The following GSE1 variants were observed in gnomAD, a reference collection of about 807,000 sequenced individuals.
GSE1 encodes the protein Gse1 coiled-coil protein.
Under a neutral mutation model 112.6 loss-of-function variants are expected in GSE1, and 32 were observed. The ratio of observed to expected loss-of-function variants is 0.28; its 90% CI spans 0.21 to 0.38. GSE1 has a LOEUF of 0.38. Among genes scored for constraint, GSE1 ranks in the 10% least tolerant of loss-of-function variants. GSE1 has a pLI of 1.00. For missense variants in GSE1, 2,348 were observed against 1,699.2 expected (o/e 1.38, Z -6.71); for synonymous variants, 1,115 against 735.6 (o/e 1.52, Z -8.35).
At chr16:85,383,408 A>T (rs2047604921) in intron 2 of GSE1, among the ~76,000 whole-genome samples, 1 of 151,852 alleles carries the variant, frequency 6.6e-6, no homozygotes, top group African/African-American at 2.4e-5. Context: ...ATGCACACAC[A>T]CGCACACACA....
chr16:85,365,744 ACT>A (rs923669408), intron 2 of GSE1, among the ~76,000 whole-genome samples: 2 of 151,898 alleles, frequency 1.3e-5, no homozygotes, highest in East Asian at 1.9e-4. Flanking sequence ...CTTCATTTCC[ACT>A]CTCTCTCTTC....
At chr16:85,557,308 C>G (rs1053161558) in intron 1 of GSE1, among the ~76,000 whole-genome samples, 1 of 152,142 alleles carries the variant, frequency 6.6e-6, no homozygotes, top group African/African-American at 2.4e-5. Flanking sequence ...CTGCGTGTGA[C>G]TGCTGGTTCT....
At chr16:85,571,408 A>G (rs946066765) in intron 1 of GSE1, among the ~76,000 whole-genome samples, 2 of 152,256 alleles carry the variant, frequency 1.3e-5, no homozygotes, top group African/African-American at 4.8e-5. Context: ...TGAGCCCCCA[A>G]CAGCCACGTG....
rs919421097 is a variant in GSE1, at chr16:85,218,888, C to CT, written c.2283+47090dup. Among the ~76,000 whole-genome samples the CT allele has an allele frequency of 9.2e-4, 140 of 151,628 alleles. 1 individual carries two copies. Among genetic ancestry groups the CT allele is most frequent in the African/African-American group, 3.2e-3 (134 of 41,342 alleles). On this transcript the variant is annotated intron_variant, in intron 1 of 2. Transcript: ENST00000637419. ...ATTCTGACAGTCCATGCGGATTTTT[C>CT]TTTTTTTTTGAGACAGAGTCTGGCT... is the stretch of plus-strand genomic sequence containing the variant.
At chr16:85,294,675 C>A (rs559141544) in intron 1 of GSE1, among the ~76,000 whole-genome samples, 7 of 145,218 alleles carry the variant, frequency 4.8e-5, no homozygotes, top group Admixed American at 1.4e-4. Context: ...CTCTCTCCCC[C>A]CCCTTCCCTC....
At chr16:85,318,870 C>G (rs1329460568) in intron 1 of GSE1, among the ~76,000 whole-genome samples, 3 of 152,232 alleles carry the variant, frequency 2.0e-5, no homozygotes, top group Non-Finnish European at 4.4e-5. Context: ...GCTGTTGACT[C>G]AACCTGTGAG....
chr16:85,198,818 G>A (rs1309649507), intron 1 of GSE1, among the ~76,000 whole-genome samples: 8 of 152,128 alleles, frequency 5.3e-5, no homozygotes, highest in East Asian at 3.9e-4. Context: ...TCACTTAGTC[G>A]CCCAGGCTGG....
intron 1 of GSE1, among the ~76,000 whole-genome samples, chr16:85,603,393 G>A (rs958894076): frequency 1.3e-5 from 2 of 152,228 alleles, no homozygotes; most frequent in Non-Finnish European, 2.9e-5. Context: ...CGCACAGCCC[G>A]AAAGGGAGTT....
At chr16:85,668,099 CT>C in intron 13 of GSE1, 40 bp from the exon 14 acceptor site, 1 of 1,492,134 alleles carries the variant, frequency 6.7e-7, no homozygotes, top group Non-Finnish European at 9.1e-7. Context: ...CCCTGTGTCC[CT>C]TCCCCCAACA....
chr16:85,259,073 T>C (rs1907389738), intron 1 of GSE1, among the ~76,000 whole-genome samples: 1 of 152,080 alleles, frequency 6.6e-6, no homozygotes, highest in African/African-American at 2.4e-5. Context: ...GAGGGGGCCT[T>C]GACCTCTGCC....
intron 2 of GSE1, among the ~76,000 whole-genome samples, chr16:85,357,962 A>T (rs1027651319): frequency 6.6e-6 from 1 of 152,078 alleles, no homozygotes; most frequent in East Asian, 1.9e-4. Flanking sequence ...AAATGATGTT[A>T]TGGATAGTCT....
intron 2 of GSE1, among the ~76,000 whole-genome samples, chr16:85,636,237 G>A (rs746627580): frequency 2.6e-5 from 4 of 152,182 alleles, no homozygotes; most frequent in African/African-American, 4.8e-5. Flanking sequence ...GAGAGCGGGC[G>A]AGCAGTGCCA....
intron 2 of GSE1, among the ~76,000 whole-genome samples, chr16:85,458,944 G>A (rs975345251): frequency 8.5e-5 from 13 of 152,124 alleles, no homozygotes; most frequent in Non-Finnish European, 1.3e-4. Flanking sequence ...TGGATAAACC[G>A]TGCCACCTGC....
chr16:85,171,895 T>C, intron 1 of GSE1: 1 of 762,424 alleles, frequency 1.3e-6, no homozygotes, highest in Non-Finnish European at 1.6e-6. Flanking sequence ...TCAGAAAAAC[T>C]CTGAAGGAGG....
At chr16:85,457,034 A>G (rs1050295618) in intron 2 of GSE1, among the ~76,000 whole-genome samples, 1 of 152,198 alleles carries the variant, frequency 6.6e-6, no homozygotes, top group Admixed American at 6.5e-5. Flanking sequence ...ATCTTCTGAT[A>G]AATGAACCTC....
chr16:85,340,851 T>C (rs1405278763), intron 1 of GSE1, among the ~76,000 whole-genome samples: 5 of 152,196 alleles, frequency 3.3e-5, no homozygotes, highest in Admixed American at 3.3e-4. Flanking sequence ...GCTGGAGCCC[T>C]GAGCTGCTCC....
chr16:85,402,284 C>A (rs1489913262), intron 2 of GSE1, among the ~76,000 whole-genome samples: 1 of 152,144 alleles, frequency 6.6e-6, no homozygotes, highest in African/African-American at 2.4e-5. Context: ...CATCCTGAAC[C>A]CAAGACGCTG....
intron 2 of GSE1, among the ~76,000 whole-genome samples, chr16:85,506,013 G>T (rs550714748): frequency 1.2e-3 from 183 of 152,034 alleles, no homozygotes; most frequent in Non-Finnish European, 2.1e-3. Flanking sequence ...TCCAGTTTGT[G>T]TGCAGGTTTG....
intron 1 of GSE1, among the ~76,000 whole-genome samples, chr16:85,603,321 GT>G (rs935120710): frequency 1.3e-5 from 2 of 152,182 alleles, no homozygotes; most frequent in African/African-American, 4.8e-5. Flanking sequence ...GGAGGAAAAT[GT>G]GCTGGGTCAT....
Sources: gnomAD v4.1 joint callset for allele counts (sites outside exome capture counted in the v4.1 genomes callset) on GRCh38, gnomAD v4.1.1 for gene constraint, MANE v1.5 for transcripts, NCBI Gene and HGNC (gene_info 2026-07-23, HGNC 2026-07-21) for gene names.